The following FARS2 variants were observed in gnomAD, a reference collection of about 807,000 sequenced individuals.
The protein encoded by FARS2 is phenylalanine--tRNA ligase, mitochondrial.
FARS2 carries 40 observed loss-of-function variants against 46.4 expected under a neutral mutation model. The observed-to-expected ratio is 0.86, with a 90% CI of 0.67 to 1.12. The LOEUF is 1.12. FARS2 is among the 50% of genes most tolerant of loss of function. The pLI is 0.00. For missense variants in FARS2, 513 were observed against 567.9 expected (o/e 0.90, Z 0.98); for synonymous variants, 234 against 214.9 (o/e 1.09, Z -0.78).
chr6:5,394,547 G>T (rs1395135056), intron 2 of FARS2, among the ~76,000 whole-genome samples: 1 of 152,094 alleles, frequency 6.6e-6, no homozygotes, highest in Non-Finnish European at 1.5e-5. Context: ...GCTTGTGTGT[G>T]TACATATATG....
At chr6:5,655,086 G>A (rs1322304034) in intron 6 of FARS2, among the ~76,000 whole-genome samples, 1 of 152,196 alleles carries the variant, frequency 6.6e-6, no homozygotes, top group Non-Finnish European at 1.5e-5. Context: ...GAGTAGTTAA[G>A]TTTCAGGGGA....
At chr6:5,538,442 T>C (rs1235351722) in intron 4 of FARS2, among the ~76,000 whole-genome samples, 1 of 152,154 alleles carries the variant, frequency 6.6e-6, no homozygotes, top group East Asian at 1.9e-4. Flanking sequence ...CCTGAACAGT[T>C]GTGCAGTTGT....
chr6:5,284,190 T>A (rs185908980), intron 1 of FARS2, among the ~76,000 whole-genome samples: 1 of 152,344 alleles, frequency 6.6e-6, no homozygotes, highest in Non-Finnish European at 1.5e-5. Context: ...GTAATTCATT[T>A]CGGGGGATCG....
At chr6:5,288,793 G>A (rs1767306186) in intron 1 of FARS2, among the ~76,000 whole-genome samples, 2 of 152,168 alleles carry the variant, frequency 1.3e-5, no homozygotes, top group South Asian at 4.1e-4. Flanking sequence ...TTAAGACATA[G>A]GTGAGAGGAA....
At chr6:5,536,580 A>G (rs1020437783) in intron 4 of FARS2, among the ~76,000 whole-genome samples, 3 of 152,242 alleles carry the variant, frequency 2.0e-5, no homozygotes, top group Non-Finnish European at 2.9e-5. Flanking sequence ...ATTCATAGCC[A>G]CAAGTACAAT....
At chr6:5,660,469 G>A (rs1777797241) in intron 6 of FARS2, among the ~76,000 whole-genome samples, 1 of 151,920 alleles carries the variant, frequency 6.6e-6, no homozygotes, top group Admixed American at 6.6e-5. Context: ...AATATAGTGA[G>A]ACCCCCATCT....
chr6:5,296,322 T>C (rs930420528), intron 1 of FARS2, among the ~76,000 whole-genome samples: 1 of 151,896 alleles, frequency 6.6e-6, no homozygotes, highest in Admixed American at 6.6e-5. Context: ...TTTGTATTTT[T>C]AGTAGAGATG....
At chr6:5,467,470 T>C (rs1451523880) in intron 4 of FARS2, among the ~76,000 whole-genome samples, 1 of 152,106 alleles carries the variant, frequency 6.6e-6, no homozygotes, top group Non-Finnish European at 1.5e-5. Flanking sequence ...TGAAATAAGA[T>C]ACAATAGGTC....
At chr6:5,405,992 A>C (rs1474454914) in intron 3 of FARS2, among the ~76,000 whole-genome samples, 1 of 152,220 alleles carries the variant, frequency 6.6e-6, no homozygotes, top group African/African-American at 2.4e-5. Flanking sequence ...TTTTCAAAAA[A>C]TATTTGTTTT....
chr6:5,654,725 G>A (rs1037100000), intron 6 of FARS2, among the ~76,000 whole-genome samples: 1 of 152,018 alleles, frequency 6.6e-6, no homozygotes, highest in Non-Finnish European at 1.5e-5. Context: ...TCAGGAAGTG[G>A]TTCTCTTTTA....
intron 6 of FARS2, among the ~76,000 whole-genome samples, chr6:5,635,422 G>GA (rs138322127): frequency 0.046 from 7,073 of 152,182 alleles, 453 homozygotes; most frequent in African/African-American, 0.14. Context: ...GAAAAAAGAG[G>GA]AAAAAATAAT....
intron 4 of FARS2, among the ~76,000 whole-genome samples, chr6:5,443,326 C>T (rs1288642799): frequency 1.3e-5 from 2 of 152,148 alleles, no homozygotes; most frequent in African/African-American, 4.8e-5. Context: ...CAAGTGGTTC[C>T]TTCTTTTATC....
At chr6:5,653,197 C>T (rs1203683632) in intron 6 of FARS2, among the ~76,000 whole-genome samples, 1 of 152,106 alleles carries the variant, frequency 6.6e-6, no homozygotes, top group East Asian at 1.9e-4. Context: ...TCATTTCTGG[C>T]AGAACCTTAG....
chr6:5,445,852 G>T (rs781557970), intron 4 of FARS2, among the ~76,000 whole-genome samples: 3 of 152,162 alleles, frequency 2.0e-5, no homozygotes, highest in Non-Finnish European at 2.9e-5. Flanking sequence ...AACCTAGGAG[G>T]CTGAAGGAAG....
At chr6:5,340,130 A>C (rs981696961) in intron 1 of FARS2, among the ~76,000 whole-genome samples, 2 of 152,226 alleles carry the variant, frequency 1.3e-5, no homozygotes, top group African/African-American at 4.8e-5. Context: ...TACTTATCAC[A>C]GTGACCCAGA....
intron 6 of FARS2, among the ~76,000 whole-genome samples, chr6:5,644,218 G>T (rs551598190): frequency 1.3e-5 from 2 of 151,550 alleles, no homozygotes; most frequent in South Asian, 2.1e-4. Context: ...TTTTTCTTTT[G>T]CTTTTTTTTT....
chr6:5,678,708 G>A (rs1363094941), intron 6 of FARS2, among the ~76,000 whole-genome samples: 1 of 152,206 alleles, frequency 6.6e-6, no homozygotes, highest in Non-Finnish European at 1.5e-5. Flanking sequence ...AAGGGCCAAA[G>A]AGGGACCTAC....
intron 4 of FARS2, among the ~76,000 whole-genome samples, chr6:5,432,882 T>A (rs531327560): frequency 5.7e-4 from 87 of 152,244 alleles, no homozygotes; most frequent in Middle Eastern, 6.8e-3. Context: ...TGCAGGAGCT[T>A]GTGTTACCTC....
intron 5 of FARS2, among the ~76,000 whole-genome samples, chr6:5,606,878 A>G (rs1462463184): frequency 6.6e-6 from 1 of 152,156 alleles, no homozygotes; most frequent in Non-Finnish European, 1.5e-5. Context: ...TAAAGGGGCT[A>G]TTAGTAAACC....
Sources: allele counts gnomAD v4.1 joint callset (sites outside exome capture counted in the v4.1 genomes callset), GRCh38; gene constraint gnomAD v4.1.1; transcripts MANE v1.5; gene names NCBI Gene and HGNC (gene_info 2026-07-23, HGNC 2026-07-21).